The following CEP126 variants were observed in gnomAD, a reference collection of about 807,000 sequenced individuals.
CEP126 encodes the protein centrosomal protein 126.
A neutral mutation model predicts 107.8 loss-of-function variants in CEP126; 74 were observed. The observed-to-expected ratio is 0.69, with a 90% CI of 0.57 to 0.83. The LOEUF is 0.83. Ranked by LOEUF, CEP126 falls within the 40% of genes least tolerant of loss-of-function variation. The pLI, the probability that CEP126 is intolerant of heterozygous loss-of-function variation, is 0.00. For missense variants in CEP126, 1,237 were observed against 1,281.9 expected (o/e 0.96, Z 0.53); for synonymous variants, 449 against 446.0 (o/e 1.01, Z -0.08).
Position 101,978,460 on chromosome 11 carries a change from G to GT in CEP126, c.2958+2dup, listed in dbSNP as rs1250076874. The GT allele has an allele frequency of 6.5e-7, 1 of 1,545,890 alleles. No individual in the cohort carries two copies. The highest frequency in any genetic ancestry group is 1.4e-5 in the African/African-American group (1 of 73,486). On this transcript the variant is annotated splice_donor_variant, in intron 7 of 10. Transcript: ENST00000263468. LOFTEE classifies it high-confidence loss of function. ...ACAGAAGTACAGTGAGCAAATTAAT[G>GT]TAAGTATGGTATTAATCAAAATCTC...
At chr11:101,948,192 C>A in intron 4 of CEP126, 50 bp downstream of exon 4, 4 of 1,105,676 alleles carry the variant, frequency 3.6e-6, no homozygotes, top group South Asian at 1.5e-5. Flanking sequence ...ATTGTATAAC[C>A]ATCTAGTTAC....
chr11:101,921,578 A>G (rs12225504), intron 1 of CEP126, among the ~76,000 whole-genome samples: 8,889 of 151,394 alleles, frequency 0.059, 474 homozygotes, highest in East Asian at 0.27. Context: ...GTGGTGGCAC[A>G]TGCCTGTAGT....
chr11:101,956,725 T>A (rs1940901880), intron 4 of CEP126: 1 of 455,892 alleles, frequency 2.2e-6, no homozygotes, highest in Admixed American at 2.4e-5. Context: ...ATTTAGCTTT[T>A]CCCTCTCCAG....
chr11:101,997,536 T>C, intron 10 of CEP126, 63 bp from the exon 11 acceptor site: 1 of 1,612,610 alleles, frequency 6.2e-7, no homozygotes, highest in Non-Finnish European at 8.5e-7. Context: ...CATGTCAGCC[T>C]AGTTTGTAGC....
intron 6 of CEP126, among the ~76,000 whole-genome samples, chr11:101,977,785 A>G (rs1317771097): frequency 3.9e-5 from 6 of 152,224 alleles, no homozygotes; most frequent in African/African-American, 1.2e-4. Context: ...TTAAGATACT[A>G]TAAGATACGC....
intron 2 of CEP126, among the ~76,000 whole-genome samples, chr11:101,925,829 A>G (rs903947093): frequency 6.4e-5 from 9 of 141,580 alleles, no homozygotes; most frequent in Admixed American, 1.5e-4. Context: ...TAATTTTTGT[A>G]TTTTTAGTAA....
chr11:101,974,297 A>AGCCC (rs1336279092), intron 6 of CEP126, among the ~76,000 whole-genome samples: 5 of 152,200 alleles, frequency 3.3e-5, no homozygotes, highest in African/African-American at 1.2e-4. Context: ...TTATAAACAA[A>AGCCC]CTGGGATTCC....
intron 2 of CEP126, among the ~76,000 whole-genome samples, chr11:101,942,368 A>G (rs1940677297): frequency 6.6e-6 from 1 of 152,050 alleles, no homozygotes; most frequent in South Asian, 2.1e-4. Context: ...CATTTTCTGT[A>G]AAGATTGTCC....
At chr11:101,931,030 AT>A (rs369572178) in intron 2 of CEP126, among the ~76,000 whole-genome samples, 35 of 151,062 alleles carry the variant, frequency 2.3e-4, no homozygotes, top group East Asian at 9.7e-4. Context: ...GCTCCTTCAC[AT>A]TTTTTTTTAA....
rs1321996190 is a variant in CEP126, at chr11:101,915,402, G to A, written c.118G>A (p.Gly40Ser). 2 of 1,613,038 alleles carry A rather than the reference G, an allele frequency of 1.2e-6. No individual in the cohort carries two copies. Among genetic ancestry groups the A allele is most frequent in the South Asian group, 2.2e-5 (2 of 91,028 alleles). Residue 40 changes from glycine (G) to serine (S), a missense_variant, in exon 1 of 11, where the codon GGC (glycine) becomes AGC (serine). Gly to Ser is a moderately conservative substitution (Grantham distance 56). Coordinates refer to ENST00000263468, the MANE Select transcript of CEP126 (RefSeq NM_020802.4). ...GGAGAGCGGCGGGCATCACCGACCT[G>A]GCTCTTACCTGTATCCTTCCCAGCC... is the stretch of plus-strand genomic sequence containing the variant. Reference protein sequence around the residue: ...PRESGGHHRPGSYLDMKIHLE... With the variant: ...PRESGGHHRPSSYLDMKIHLE...
chr11:101,976,124 ACTT>A (rs1565366431), intron 6 of CEP126, among the ~76,000 whole-genome samples: 1 of 152,194 alleles, frequency 6.6e-6, no homozygotes, highest in Non-Finnish European at 1.5e-5. Flanking sequence ...GTTGATGGGT[ACTT>A]CTGTTTTAAG....
intron 6 of CEP126, among the ~76,000 whole-genome samples, chr11:101,974,886 T>G (rs1941174899): frequency 6.6e-6 from 1 of 152,134 alleles, no homozygotes; most frequent in Non-Finnish European, 1.5e-5. Context: ...TCCACAAAAC[T>G]ACAAAGAACA....
Position 101,973,796 on chromosome 11 carries a change from A to T in CEP126, c.2846-4551A>T, listed in dbSNP as rs552443628. Among the ~76,000 whole-genome samples the T allele has an allele frequency of 1.4e-4, 22 of 152,342 alleles. No individual in the cohort carries two copies. The South Asian group carries it at 4.6e-3, about 32-fold the overall frequency. On this transcript the variant is annotated intron_variant, in intron 6 of 10. Coordinates refer to ENST00000263468, the MANE Select transcript of CEP126 (RefSeq NM_020802.4). The stretch of plus-strand genomic sequence containing the variant: ...GAAAAGTTTCTAATTATGATAACTT[A>T]TATTGTCCTCATTACTAATTAGTTG...
chr11:101,976,488 G>A (rs112396696), intron 6 of CEP126, among the ~76,000 whole-genome samples: 107 of 152,282 alleles, frequency 7.0e-4, no homozygotes, highest in African/African-American at 2.4e-3. Flanking sequence ...TGTCAGGTAT[G>A]CAGTTACTGG....
chr11:101,960,730 GTACTT>G (rs1940959120), intron 5 of CEP126, among the ~76,000 whole-genome samples: 1 of 151,660 alleles, frequency 6.6e-6, no homozygotes, highest in Non-Finnish European at 1.5e-5. Context: ...GAAAAAGAAA[GTACTT>G]TTGTCTAATA....
At position 101,955,135 on chromosome 11, in the gene CEP126, C is replaced by T. The variant is rs140714732; in HGVS notation, c.507-3033C>T. Among the ~76,000 whole-genome samples the T allele has an allele frequency of 4.4e-3, 668 of 151,950 alleles. 5 individuals are homozygous for T. Among genetic ancestry groups the T allele is most frequent in the African/African-American group, 0.016 (642 of 41,412 alleles). On this transcript the variant is annotated intron_variant, in intron 4 of 10. Transcript: ENST00000263468. ...GTGCAGGGCATTTAGTGCTTAAGCC[C>T]TAAGATAAATCAGAGAATATATTCT... is the stretch of plus-strand genomic sequence containing the variant.
At chr11:101,947,400 A>G (rs1253834585) in intron 3 of CEP126, among the ~76,000 whole-genome samples, 2 of 152,176 alleles carry the variant, frequency 1.3e-5, no homozygotes, top group Admixed American at 1.3e-4. Context: ...GAAGTAGGGT[A>G]AAATAGAGTA....
At chr11:101,952,352 A>G (rs1386825641) in intron 4 of CEP126, among the ~76,000 whole-genome samples, 2 of 152,196 alleles carry the variant, frequency 1.3e-5, no homozygotes, top group Non-Finnish European at 2.9e-5. Context: ...CACAATATTT[A>G]TAGGTTGGAA....
chr11:101,983,415 T>C (rs1941278883), intron 8 of CEP126, among the ~76,000 whole-genome samples: 1 of 152,126 alleles, frequency 6.6e-6, no homozygotes, highest in Non-Finnish European at 1.5e-5. Context: ...ATTTCAACCA[T>C]GAAGTCAAAG....
Sources: allele counts gnomAD v4.1 joint callset (sites outside exome capture counted in the v4.1 genomes callset), GRCh38; gene constraint gnomAD v4.1.1; transcripts MANE v1.5; gene names NCBI Gene and HGNC (gene_info 2026-07-23, HGNC 2026-07-21).